FOXP1: variants seen among roughly 807,000 people sequenced by gnomAD.
FOXP1 encodes the protein forkhead box P1.
FOXP1 carries 15 observed loss-of-function variants against 98.2 expected under a neutral mutation model. That is an observed-to-expected ratio of 0.15 (90% CI 0.10 to 0.24). FOXP1 has a LOEUF of 0.24. Among genes scored for constraint, FOXP1 ranks in the 10% least tolerant of loss-of-function variants. FOXP1 has a pLI of 1.00. For synonymous variants in FOXP1, 371 were observed against 314.5 expected (o/e 1.18, Z -1.90); for missense variants, 633 against 848.5 (o/e 0.75, Z 3.15).
chr3:71,414,699 C>A lies in FOXP1; in HGVS notation c.-167-55455G>T, dbSNP rs1052046064. ...ACGAGGAGGACAAGCGGAGCCCTGGCCTCAAAGGCACCTCTTAGGAGCCTT... is the reference window on the plus strand; with the variant it reads ...ACGAGGAGGACAAGCGGAGCCCTGGACTCAAAGGCACCTCTTAGGAGCCTT... On this transcript the variant is annotated intron_variant, in intron 3 of 20. Coordinates refer to ENST00000649528, the MANE Select transcript of FOXP1 (RefSeq NM_001349338.3). 2.0e-5 allele frequency among the ~76,000 whole-genome samples: 3 copies of A among 152,330 alleles called. No individual in the cohort carries two copies. The South Asian group carries it at 6.2e-4, about 32-fold the overall frequency.
At position 71,149,355 on chromosome 3, in the gene FOXP1, A is replaced by G. The variant is rs1323455341; in HGVS notation, c.181-36718T>C. 2.0e-5 allele frequency among the ~76,000 whole-genome samples: 3 copies of G among 152,214 alleles called. No individual in the cohort carries two copies. In the East Asian group the frequency reaches 5.8e-4, roughly 29 times the overall value. On this transcript the variant is annotated intron_variant, in intron 6 of 20. Coordinates refer to ENST00000649528, the MANE Select transcript of FOXP1 (RefSeq NM_001349338.3). The stretch of plus-strand genomic sequence containing the variant: ...TTGTATATTGTATTTAATAGAGTCT[A>G]AAGTACATTGTTTTTTTCTTTCCAT...
At chr3:71,514,832 A>G (rs1262919783) in intron 2 of FOXP1, among the ~76,000 whole-genome samples, 1 of 152,108 alleles carries the variant, frequency 6.6e-6, no homozygotes, top group Non-Finnish European at 1.5e-5. Flanking sequence ...ATCTCACACC[A>G]CGCCCAGTAA....
intron 19 of FOXP1, 41 bp from the exon 20 acceptor site, chr3:70,966,097 T>C (rs568904691): frequency 2.0e-5 from 31 of 1,568,588 alleles, no homozygotes; most frequent in African/African-American, 2.7e-5. Flanking sequence ...ACACAGGGTA[T>C]GTAAGACAAG....
chr3:71,181,635 T>A (rs961077813), intron 6 of FOXP1, among the ~76,000 whole-genome samples: 1 of 152,108 alleles, frequency 6.6e-6, no homozygotes, highest in Non-Finnish European at 1.5e-5. Flanking sequence ...TGAAATGGGG[T>A]AAGCAACGAA....
chr3:71,001,120 T>G, intron 12 of FOXP1, 61 bp from the exon 13 acceptor site: 1 of 1,315,690 alleles, frequency 7.6e-7, no homozygotes, highest in Non-Finnish European at 1.1e-6. Flanking sequence ...AAATATAAGT[T>G]ACCAGGATGT....
chr3:71,099,876 C>G (rs1288283457), intron 7 of FOXP1, among the ~76,000 whole-genome samples: 13 of 152,124 alleles, frequency 8.5e-5, no homozygotes, highest in Admixed American at 8.5e-4. Context: ...CTTTAAAGGA[C>G]AAATCACATT....
At chr3:71,086,826 G>A (rs1559900290) in intron 7 of FOXP1, among the ~76,000 whole-genome samples, 1 of 152,156 alleles carries the variant, frequency 6.6e-6, no homozygotes, top group Non-Finnish European at 1.5e-5. Context: ...ACTTTCAACT[G>A]CAACACATTC....
At chr3:71,072,614 C>G (rs919918162) in intron 7 of FOXP1, among the ~76,000 whole-genome samples, 1 of 152,196 alleles carries the variant, frequency 6.6e-6, no homozygotes, top group Admixed American at 6.5e-5. Flanking sequence ...TCCAAAACAA[C>G]TTGACTTCTA....
At chr3:71,290,652 T>A (rs1217193420) in intron 5 of FOXP1, among the ~76,000 whole-genome samples, 1 of 152,192 alleles carries the variant, frequency 6.6e-6, no homozygotes, top group African/African-American at 2.4e-5. Flanking sequence ...CCTAATGCCC[T>A]ACTCAGTCTG....
At chr3:71,537,025 G>A (rs1242656619) in intron 2 of FOXP1, among the ~76,000 whole-genome samples, 2 of 152,174 alleles carry the variant, frequency 1.3e-5, no homozygotes, top group Non-Finnish European at 2.9e-5. Context: ...TCAGGTGGAC[G>A]TGGGAAAGGC....
At chr3:71,559,223 G>A (rs906639632) in intron 2 of FOXP1, among the ~76,000 whole-genome samples, 1 of 152,096 alleles carries the variant, frequency 6.6e-6, no homozygotes, top group Non-Finnish European at 1.5e-5. Context: ...TATGCCCCAG[G>A]GCTACCCCCA....
intron 3 of FOXP1, among the ~76,000 whole-genome samples, chr3:71,412,115 C>T (rs2082799050): frequency 6.6e-6 from 1 of 151,436 alleles, no homozygotes. Context: ...CAAATCATTC[C>T]TTTTCCTGTC....
chr3:71,328,419 G>C (rs1186169591), intron 4 of FOXP1, among the ~76,000 whole-genome samples: 2 of 152,208 alleles, frequency 1.3e-5, no homozygotes, highest in Non-Finnish European at 2.9e-5. Context: ...GGTTGATCCT[G>C]CCATCAAAAT....
intron 11 of FOXP1, among the ~76,000 whole-genome samples, chr3:71,018,121 G>A (rs1489141068): frequency 6.6e-6 from 1 of 152,124 alleles, no homozygotes; most frequent in Non-Finnish European, 1.5e-5. Flanking sequence ...CAGGGTTTTG[G>A]ACTCGAAATG....
intron 2 of FOXP1, among the ~76,000 whole-genome samples, chr3:71,493,926 T>C (rs2091233351): frequency 6.6e-6 from 1 of 152,168 alleles, no homozygotes; most frequent in Admixed American, 6.5e-5. Flanking sequence ...TAAGTTATGA[T>C]CTTTTTCGAA....
chr3:71,220,152 AC>A (rs1183776966), intron 5 of FOXP1, among the ~76,000 whole-genome samples: 1 of 152,328 alleles, frequency 6.6e-6, no homozygotes, highest in East Asian at 1.9e-4. Flanking sequence ...CTGAATGTTT[AC>A]CTGTAAGCTA....
intron 6 of FOXP1, among the ~76,000 whole-genome samples, chr3:71,114,397 A>T (rs2058197530): frequency 6.6e-6 from 1 of 152,210 alleles, no homozygotes; most frequent in Admixed American, 6.5e-5. Context: ...AGTGTGCAAG[A>T]GCAGTGCTTC....
At chr3:71,235,084 A>C (rs899923646) in intron 5 of FOXP1, among the ~76,000 whole-genome samples, 2 of 152,104 alleles carry the variant, frequency 1.3e-5, no homozygotes, top group African/African-American at 4.8e-5. Context: ...GACAGCTATA[A>C]TTTCCATGTG....
chr3:71,323,125 C>G (rs1476937881), intron 4 of FOXP1, among the ~76,000 whole-genome samples: 1 of 152,092 alleles, frequency 6.6e-6, no homozygotes, highest in East Asian at 1.9e-4. Context: ...CATGCACCAC[C>G]ACGTCTGGCT....
Sources: gnomAD v4.1 joint callset for allele counts (sites outside exome capture counted in the v4.1 genomes callset) on GRCh38, gnomAD v4.1.1 for gene constraint, MANE v1.5 for transcripts, NCBI Gene and HGNC (gene_info 2026-07-23, HGNC 2026-07-21) for gene names.